The following MUC12 variants were observed in gnomAD, a reference collection of about 807,000 sequenced individuals.
The protein encoded by MUC12 is mucin 12, cell surface associated.
MUC12 carries 172 observed loss-of-function variants against 230.8 expected under a neutral mutation model. The observed-to-expected ratio is 0.75, with a 90% CI of 0.66 to 0.85. The LOEUF is 0.85. Among genes scored for constraint, MUC12 ranks in the 40% least tolerant of loss-of-function variants. MUC12 has a pLI of 0.00. For synonymous variants in MUC12, 1,259 were observed against 2,401.9 expected (o/e 0.52, Z 13.91); for missense variants, 3,506 against 5,920.6 (o/e 0.59, Z 13.38).
At position 101,006,335 on chromosome 7, in the gene MUC12, A is replaced by G. The variant is rs1793749706; in HGVS notation, c.14957-136A>G. 14 of 634,806 alleles carry G rather than the reference A, an allele frequency of 2.2e-5. No individual in the cohort carries two copies. The South Asian group carries it at 2.5e-4, about 12-fold the overall frequency. The allele number at this position is 634,806 out of a possible 1,614,324, so 39.3% of individuals were successfully genotyped here. ...CGGGGGCAGAGGTGGCAGCAGAGGC[A>G]TCTTCATTGCTGTGCGGTCATCTGG... On this transcript the variant is annotated intron_variant, in intron 2 of 11. Transcript: ENST00000536621.
chr7:100,971,637 G>A lies in MUC12; in HGVS notation c.67+1948G>A, dbSNP rs566387733. 2.3e-4 allele frequency among the ~76,000 whole-genome samples: 35 copies of A among 152,420 alleles called. No individual in the cohort carries two copies. The East Asian group carries it at 6.0e-3, about 26-fold the overall frequency. On this transcript the variant is annotated intron_variant, in intron 1 of 11. Coordinates refer to ENST00000536621, the MANE Select transcript of MUC12 (RefSeq NM_001164462.2). ...GGAGAGTTTCAAGGGCTGGAGTGAC[G>A]AACTCTGTGGATTTGGGGACATTAT...
intron 6 of MUC12, 133 bp from the exon 7 acceptor site, chr7:101,012,686 C>T: frequency 1.9e-6 from 2 of 1,076,390 alleles, no homozygotes; most frequent in Non-Finnish European, 2.7e-6. Flanking sequence ...AGCTGCATGT[C>T]TAGGGTGGGC....
intron 1 of MUC12, chr7:100,971,968 T>C: frequency 4.4e-6 from 3 of 676,988 alleles, no homozygotes; most frequent in Non-Finnish European, 8.1e-6. Flanking sequence ...ATAACACAGG[T>C]GAATCCCTTA....
At chr7:100,990,490 C>G (rs889283731) in intron 1 of MUC12, 141 bp from the exon 2 acceptor site, 2 of 994,646 alleles carry the variant, frequency 2.0e-6, no homozygotes, top group Non-Finnish European at 2.9e-6. Flanking sequence ...ACTTCCTATG[C>G]CCCCAAAAGG....
At position 101,012,907 on chromosome 7, in the gene MUC12, A is replaced by T; in HGVS notation, c.15475+17A>T. 1 of 1,537,242 alleles carries T rather than the reference A, an allele frequency of 6.5e-7. No homozygotes were observed. The highest frequency in any genetic ancestry group is 8.7e-7 in the Non-Finnish European group (1 of 1,146,916). Reference sequence around the variant, plus strand: ...ACTTCCAGGGTAAGCGACTACGTGGAGCGTGGGCACTAAGAGTGGGGGCTG... The same window carrying T: ...ACTTCCAGGGTAAGCGACTACGTGGTGCGTGGGCACTAAGAGTGGGGGCTG... On this transcript the variant is annotated intron_variant, in intron 7 of 11. Transcript: ENST00000536621.
chr7:101,004,740 C>G lies in MUC12; in HGVS notation c.14177C>G (p.Ala4726Gly), dbSNP rs942517345. 1.3e-6 allele frequency: 2 copies of G among 1,536,982 alleles called. No homozygotes were observed. Among genetic ancestry groups the G allele is most frequent in the Non-Finnish European group, 8.7e-7 (1 of 1,146,378 alleles). ...CCAGGCTCAATGGAAACAACATTAG[C>G]CAGCACTGCCACAACACCAGGCCTC... The part of the protein sequence containing the change: ...ISPGSMETTL[A>G]STATTPGLSA... Residue 4726 changes from alanine to glycine, a missense_variant, in exon 2 of 12, where the codon GCC becomes GGC. By Grantham distance (60) the Ala-to-Gly change is moderately conservative (BLOSUM62 0). Transcript: ENST00000536621.
chr7:101,018,741 C>A lies in MUC12; in HGVS notation c.*105C>A. 8.3e-7 allele frequency: 1 copy of A among 1,202,502 alleles called. No homozygotes were observed. The highest frequency in any genetic ancestry group is 1.1e-6 in the Non-Finnish European group (1 of 878,122). The allele number at this position is 1,202,502 out of a possible 1,614,324, so 74.5% of individuals were successfully genotyped here. A position where few individuals can be genotyped will look rare whatever the true frequency, so the allele number is the denominator to read the frequency against. On this transcript the variant is annotated 3_prime_UTR_variant, in exon 12 of 12. Coordinates refer to ENST00000536621, the MANE Select transcript of MUC12 (RefSeq NM_001164462.2). ...GGGTCAAGAGGAGACCGAAGTCAGG[C>A]CCTGAAGCCGGTCCTGCTCTGAGCT...
chr7:101,002,853 C>T lies in MUC12; in HGVS notation c.12290C>T (p.Thr4097Ile). Residue 4097 changes from threonine (T) to isoleucine (I), a missense_variant, in exon 2 of 12, where the codon ACA (threonine) becomes ATA (isoleucine). By Grantham distance (89) the Thr-to-Ile change is moderately conservative (BLOSUM62 -1). Coordinates refer to ENST00000536621, the MANE Select transcript of MUC12 (RefSeq NM_001164462.2). ...SDTTPSPPST[T>I]AVPVEVSTTY... ...ACAACACCTTCACCTCCCAGCACCA[C>T]AGCAGTCCCTGTTGAAGTATCCACA... 2 of 1,046,022 alleles carry T rather than the reference C, an allele frequency of 1.9e-6. No individual in the cohort carries two copies. The highest frequency in any genetic ancestry group is 2.6e-6 in the Non-Finnish European group (2 of 766,320). The allele number at this position is 1,046,022 out of a possible 1,614,324, so 64.8% of individuals were successfully genotyped here.
At position 101,012,317 on chromosome 7, in the gene MUC12, G is replaced by T; in HGVS notation, c.15273G>T (p.Lys5091Asn). The T allele has an allele frequency of 6.5e-7, 1 of 1,537,316 alleles. No homozygotes were observed. Among genetic ancestry groups the T allele is most frequent in the South Asian group, 1.2e-5 (1 of 84,046 alleles). The change falls in exon 6 of 12, where the codon AAG (lysine) becomes AAT (asparagine). Residue 5091 changes from lysine (K) to asparagine (N), a missense_variant. By Grantham distance (94) the Lys-to-Asn change is moderately conservative. Coordinates refer to ENST00000536621, the MANE Select transcript of MUC12 (RefSeq NM_001164462.2). ...CCAGCAACGGTAGCATCGTGGTCAA[G>T]AACGATGTCATCCTGGAGGCAGACT... ...RRLLNGSIVV[K>N]NDVILEADYT...
Position 100,995,835 on chromosome 7 carries a change from G to T in MUC12, c.5272G>T (p.Ala1758Ser), listed in dbSNP as rs1406789622. Residue 1758 changes from alanine (A) to serine (S), a missense_variant, in exon 2 of 12, where the codon GCC becomes TCC. Physicochemically the swap from Ala to Ser is moderately conservative, Grantham distance 99 (BLOSUM62 1). Coordinates refer to ENST00000536621, the MANE Select transcript of MUC12 (RefSeq NM_001164462.2). ...PVATATTPSP[A>S]RSTTSGLVEE... ...TGCAACTGCAACAACACCCTCGCCTGCCCGCTCCACAACCTCAGGCCTCGT... is the reference window on the plus strand; with the variant it reads ...TGCAACTGCAACAACACCCTCGCCTTCCCGCTCCACAACCTCAGGCCTCGT... 4.1e-6 allele frequency: 6 copies of T among 1,460,558 alleles called. No individual in the cohort carries two copies. Among genetic ancestry groups the T allele is most frequent in the South Asian group, 3.7e-5 (3 of 81,612 alleles). The allele number at this position is 1,460,558 out of a possible 1,614,324, so 90.5% of individuals were successfully genotyped here.
chr7:101,016,785 T>G (rs1485414871), intron 10 of MUC12: 2 of 151,596 alleles, frequency 1.3e-5, no homozygotes, highest in Non-Finnish European at 2.9e-5. Flanking sequence ...ATTTCCGGGA[T>G]TGTCCGAGCT....
intron 5 of MUC12, among the ~76,000 whole-genome samples, chr7:101,010,273 G>A (rs1793820835): frequency 6.6e-6 from 1 of 152,122 alleles, no homozygotes; most frequent in Non-Finnish European, 1.5e-5. Context: ...CAAGTTTCAA[G>A]TGCCCAGGGC....
In MUC12 at chr7:101,008,685, A is replaced by G. The variant is rs1430828035; in HGVS notation, c.15110A>G (p.Tyr5037Cys). The G allele has an allele frequency of 6.5e-7, 1 of 1,537,378 alleles. No individual in the cohort carries two copies. The highest frequency in any genetic ancestry group is 8.7e-7 in the Non-Finnish European group (1 of 1,146,940). ...ATLGMTVKVTYRNFTEKMNDA... is the reference protein window; with the variant it reads ...ATLGMTVKVTCRNFTEKMNDA... The stretch of plus-strand genomic sequence containing the variant: ...TTAGGTATGACAGTGAAAGTGACTT[A>G]CAGAAATTTCACAGAAAAGATGAAT... The change falls in exon 4 of 12, where the codon TAC becomes TGC. Residue 5037 changes from tyrosine to cysteine, a missense_variant. Physicochemically the swap from Tyr to Cys is radical, Grantham distance 194. Transcript: ENST00000536621.
chr7:101,017,265 G>C (rs1793945130), intron 10 of MUC12: 1 of 280,486 alleles, frequency 3.6e-6, no homozygotes, highest in Non-Finnish European at 6.7e-6. Flanking sequence ...CCTGTCTCCC[G>C]CTCCACTCTG....
Position 101,014,007 on chromosome 7 carries a change from G to A in MUC12, c.15733G>A (p.Ala5245Thr). 6.5e-7 allele frequency: 1 copy of A among 1,537,062 alleles called. No individual in the cohort carries two copies. Among genetic ancestry groups the A allele is most frequent in the Non-Finnish European group, 8.7e-7 (1 of 1,146,822 alleles). ...LVYGIVGAVM[A>T]VLLLALIILI... Reference sequence around the variant, plus strand: ...GTATGGGATCGTGGGGGCTGTGATGGCGGTGCTGCTGCTCGCATTGATCAT... The same window carrying A: ...GTATGGGATCGTGGGGGCTGTGATGACGGTGCTGCTGCTCGCATTGATCAT... The change falls in exon 9 of 12, where the codon GCG becomes ACG. Residue 5245 changes from alanine to threonine, a missense_variant. By Grantham distance (58) the Ala-to-Thr change is moderately conservative. Coordinates refer to ENST00000536621, the MANE Select transcript of MUC12 (RefSeq NM_001164462.2).
intron 1 of MUC12, among the ~76,000 whole-genome samples, chr7:100,984,002 G>A (rs1378411911): frequency 1.3e-5 from 2 of 152,124 alleles, no homozygotes; most frequent in Non-Finnish European, 2.9e-5. Context: ...CTGCCTTCAT[G>A]TGGGCCTCTG....
In MUC12 at chr7:100,991,907, A is replaced by T; in HGVS notation, c.1344A>T (p.Ala448=). The change falls in exon 2 of 12, where the codon GCA becomes GCT. Residue 448 remains alanine (A), a synonymous_variant. Coordinates refer to ENST00000536621, the MANE Select transcript of MUC12 (RefSeq NM_001164462.2). ...KASHSSPDAM[A]TTVLPAGSTP... The stretch of plus-strand genomic sequence containing the variant: ...CCCACAGCAGCCCAGATGCAATGGC[A>T]ACAACAGTCTTACCTGCCGGCTCTA... The T allele has an allele frequency of 6.5e-7, 1 of 1,537,816 alleles. No individual in the cohort carries two copies. Among genetic ancestry groups the T allele is most frequent in the South Asian group, 1.2e-5 (1 of 84,062 alleles).
chr7:101,013,548 G>A (rs1360054051), intron 8 of MUC12, among the ~76,000 whole-genome samples: 1 of 152,128 alleles, frequency 6.6e-6, no homozygotes, highest in African/African-American at 2.4e-5. Flanking sequence ...TGCAGCCACA[G>A]CACTAAGTCC....
chr7:101,004,653 C>G lies in MUC12; in HGVS notation c.14090C>G (p.Pro4697Arg). ...HSSPDTNGITPLPAHFTTSGR... is the reference protein window; with the variant it reads ...HSSPDTNGITRLPAHFTTSGR... ...AGCCCAGATACAAATGGAATCACACCCTTACCTGCCCATTTTACTACCTCA... is the reference window on the plus strand; with the variant it reads ...AGCCCAGATACAAATGGAATCACACGCTTACCTGCCCATTTTACTACCTCA... The change falls in exon 2 of 12, where the codon CCC becomes CGC. Residue 4697 changes from proline to arginine, a missense_variant. Coordinates refer to ENST00000536621, the MANE Select transcript of MUC12 (RefSeq NM_001164462.2). 4.6e-6 allele frequency: 7 copies of G among 1,537,358 alleles called. No homozygotes were observed. Among genetic ancestry groups the G allele is most frequent in the Non-Finnish European group, 6.1e-6 (7 of 1,146,626 alleles).
Sources: gnomAD v4.1 joint callset for allele counts (sites outside exome capture counted in the v4.1 genomes callset) on GRCh38, gnomAD v4.1.1 for gene constraint, MANE v1.5 for transcripts, NCBI Gene and HGNC (gene_info 2026-07-23, HGNC 2026-07-21) for gene names.